The following RNF43 variants were observed in gnomAD, a reference collection of about 807,000 sequenced individuals.
RNF43 encodes ring finger protein 43, also known as E3 ubiquitin-protein ligase RNF43.
Under a neutral mutation model 78.4 loss-of-function variants are expected in RNF43, and 37 were observed. That is an observed-to-expected ratio of 0.47 (90% CI 0.36 to 0.62). The LOEUF (loss-of-function observed/expected upper bound fraction) is 0.62. Among genes scored for constraint, RNF43 ranks in the 20% least tolerant of loss-of-function variants. The probability of loss-of-function intolerance (pLI) is 0.00; values close to 1 mark genes in which losing one functional copy is unlikely to be tolerated. For synonymous variants in RNF43, 347 were observed against 395.0 expected, an observed-to-expected ratio of 0.88 and a Z score of 1.44; for missense variants, 774 against 1,007.9, an observed-to-expected ratio of 0.77 and a Z score of 3.14.
chr17:58,372,388 G>T (rs1245013524), intron 2 of RNF43, among the ~76,000 whole-genome samples: 1 of 152,212 alleles, frequency 6.6e-6, no homozygotes, highest in East Asian at 1.9e-4. Context: ...TAGTCTGGTA[G>T]TGAGCAAGGT....
chr17:58,415,634 C>CA lies in RNF43; in HGVS notation c.-58dup. ...ACATACTGCTTCCACTAGCTAATAC[C>CA]AAATGCAGGTTCTCAGATCCAGACA... On this transcript the variant is annotated 5_prime_UTR_variant, in exon 2 of 10. The change abolishes the stop of an existing upstream ORF in the 5' untranslated region. Transcript: ENST00000407977. 22 of 1,571,784 alleles carry CA rather than the reference C, an allele frequency of 1.4e-5. No homozygotes were observed. The highest frequency in any genetic ancestry group is 1.8e-5 in the Non-Finnish European group (21 of 1,159,604).
In RNF43 at chr17:58,415,329, C is replaced by A. The variant is rs759980285; in HGVS notation, c.249G>T (p.Met83Ile). Residue 83 changes from methionine to isoleucine, a missense_variant, in exon 2 of 10, where the codon ATG becomes ATT. Coordinates refer to ENST00000407977, the MANE Select transcript of RNF43 (RefSeq NM_017763.6). Reference protein sequence around the residue: ...AEITPAEGKLMQSHPLYLCNA... With the variant: ...AEITPAEGKLIQSHPLYLCNA... ...AATATAATAAAGTTATACTTGCCTG[C>A]ATTAATTTTCCTTCTGCTGGAGTTA... 6.2e-7 allele frequency: 1 copy of A among 1,614,172 alleles called. No individual in the cohort carries two copies. Among genetic ancestry groups the A allele is most frequent in the South Asian group, 1.1e-5 (1 of 91,078 alleles).
Position 58,412,474 on chromosome 17 carries a change from C to A in RNF43, c.252+2852G>T, listed in dbSNP as rs138771572. On this transcript the variant is annotated intron_variant, in intron 2 of 9. Transcript: ENST00000407977. ...ACATACCTTGTAAAATGAATCATTACTATTGGCAAGGAGAAACCTAAGCAC... is the reference window on the plus strand; with the variant it reads ...ACATACCTTGTAAAATGAATCATTAATATTGGCAAGGAGAAACCTAAGCAC... 1.8e-4 allele frequency among the ~76,000 whole-genome samples: 28 copies of A among 152,200 alleles called. 1 individual carries two copies. The highest frequency in any genetic ancestry group is 5.8e-4 in the African/African-American group (24 of 41,522).
intron 9 of RNF43, 47 bp from the exon 10 acceptor site, chr17:58,355,033 A>G (rs762888102): frequency 8.4e-6 from 13 of 1,543,046 alleles, no homozygotes; most frequent in African/African-American, 1.4e-5. Flanking sequence ...GGGTCAGGCC[A>G]GGGACCTGCT....
chr17:58,369,182 T>G (rs190396246), intron 3 of RNF43, among the ~76,000 whole-genome samples: 57 of 152,268 alleles, frequency 3.7e-4, no homozygotes, highest in Non-Finnish European at 7.5e-4. Flanking sequence ...TGCCCATATT[T>G]TGTAAGGAAA....
At chr17:58,411,237 A>G (rs1974019131) in intron 2 of RNF43, among the ~76,000 whole-genome samples, 1 of 152,112 alleles carries the variant, frequency 6.6e-6, no homozygotes, top group South Asian at 2.1e-4. Context: ...AGAAAGGTAA[A>G]CACTATTTTG....
At chr17:58,385,336 T>G (rs1973409208) in intron 2 of RNF43, among the ~76,000 whole-genome samples, 1 of 152,194 alleles carries the variant, frequency 6.6e-6, no homozygotes, top group Admixed American at 6.5e-5. Flanking sequence ...ATCTCAAACT[T>G]AAATATACCA....
intron 2 of RNF43, among the ~76,000 whole-genome samples, chr17:58,401,504 G>A (rs2143644166): frequency 6.6e-6 from 1 of 152,324 alleles, no homozygotes; most frequent in East Asian, 1.9e-4. Context: ...GCCAGGACAG[G>A]TGGTATGGTA....
At position 58,415,672 on chromosome 17, in the gene RNF43, G is replaced by T; in HGVS notation, c.-95C>A. 1 of 1,397,218 alleles carries T rather than the reference G, an allele frequency of 7.2e-7. No homozygotes were observed. Among genetic ancestry groups the T allele is most frequent in the South Asian group, 1.3e-5 (1 of 78,686 alleles). The allele number at this position is 1,397,218 out of a possible 1,614,324, so 86.6% of individuals were successfully genotyped here. A position where few individuals can be genotyped will look rare whatever the true frequency, so the allele number is the denominator to read the frequency against. ...TCAGATCCAGACAAATGGAGGAAAA[G>T]AACATTTATGCTTCCGTTTCAGAAA... On this transcript the variant is annotated 5_prime_UTR_variant, in exon 2 of 10. Coordinates refer to ENST00000407977, the MANE Select transcript of RNF43 (RefSeq NM_017763.6).
chr17:58,367,146 G>A (rs1284285695), intron 3 of RNF43, among the ~76,000 whole-genome samples: 1 of 152,008 alleles, frequency 6.6e-6, no homozygotes, highest in Non-Finnish European at 1.5e-5. Context: ...GACTACAGGT[G>A]CGTGCCACCA....
chr17:58,407,674 A>G (rs1973941690), intron 2 of RNF43, among the ~76,000 whole-genome samples: 1 of 152,220 alleles, frequency 6.6e-6, no homozygotes, highest in South Asian at 2.1e-4. Context: ...AAAAATATAT[A>G]AAGTTTTCCA....
intron 2 of RNF43, among the ~76,000 whole-genome samples, chr17:58,380,628 C>T (rs1020470779): frequency 6.6e-6 from 1 of 152,216 alleles, no homozygotes; most frequent in Admixed American, 6.5e-5. Context: ...TAAAGCCAGA[C>T]AGTCCCTGTG....
intron 2 of RNF43, 46 bp from the exon 3 acceptor site, chr17:58,371,079 G>A (rs2143517330): frequency 6.6e-7 from 1 of 1,514,966 alleles, no homozygotes; most frequent in Non-Finnish European, 8.9e-7. Flanking sequence ...TAGGCAGCAG[G>A]AGTGAGCTGT....
intron 2 of RNF43, among the ~76,000 whole-genome samples, chr17:58,403,711 TC>T (rs1336007925): frequency 6.6e-6 from 1 of 152,290 alleles, no homozygotes; most frequent in African/African-American, 2.4e-5. Context: ...TTTCCACTCT[TC>T]CCAGTTGCCT....
intron 2 of RNF43, among the ~76,000 whole-genome samples, chr17:58,406,754 A>G (rs1443236519): frequency 1.0e-4 from 15 of 150,680 alleles, no homozygotes; most frequent in Admixed American, 8.6e-4. Context: ...GGAAATCTAT[A>G]CTTTTTTTTT....
intron 2 of RNF43, among the ~76,000 whole-genome samples, chr17:58,397,467 C>T (rs1440586761): frequency 6.6e-6 from 1 of 151,982 alleles, no homozygotes; most frequent in East Asian, 1.9e-4. Context: ...TCCAGACCAG[C>T]CAGGCCAACA....
intron 3 of RNF43, among the ~76,000 whole-genome samples, chr17:58,365,289 G>T (rs1460708804): frequency 1.3e-5 from 2 of 152,158 alleles, no homozygotes; most frequent in Non-Finnish European, 2.9e-5. Flanking sequence ...CTATTCCAGG[G>T]ATTTGGCCAA....
Position 58,415,385 on chromosome 17 carries a change from A to C in RNF43, c.193T>G (p.Leu65Val). 1 of 1,614,228 alleles carries C rather than the reference A, an allele frequency of 6.2e-7. No individual in the cohort carries two copies. Among genetic ancestry groups the C allele is most frequent in the Non-Finnish European group, 8.5e-7 (1 of 1,180,022 alleles). Residue 65 changes from leucine to valine, a missense_variant, in exon 2 of 10, where the codon TTG becomes GTG. Coordinates refer to ENST00000407977, the MANE Select transcript of RNF43 (RefSeq NM_017763.6). ...MDPTGKLNLT[L>V]EGVFAGVAEI... Reference sequence around the variant, plus strand: ...GCAACACCAGCAAACACACCTTCCAAAGTGAGATTCAGTTTTCCTGTGGGG... The same window carrying C: ...GCAACACCAGCAAACACACCTTCCACAGTGAGATTCAGTTTTCCTGTGGGG...
rs13414 is a variant in RNF43 at position 58,354,092 on chromosome 17, A to G, written c.*851T>C. The G allele has an allele frequency of 0.17, 33,447 of 196,514 alleles. 2,953 individuals carry two copies. Among genetic ancestry groups the G allele is most frequent in the East Asian group, 0.25 (3,156 of 12,482 alleles). 12.2% of individuals were successfully genotyped at this position (196,514 alleles called of 1,614,324 possible). On this transcript the variant is annotated 3_prime_UTR_variant, in exon 10 of 10. Transcript: ENST00000407977. ...TGTCCCCATTTTCCATCCTTGCTCT[A>G]AGACAAAACTTTTCCCAGAGAAGAA...
Sources: gnomAD v4.1 joint callset for allele counts (sites outside exome capture counted in the v4.1 genomes callset) on GRCh38, gnomAD v4.1.1 for gene constraint, MANE v1.5 for transcripts, NCBI Gene and HGNC (gene_info 2026-07-23, HGNC 2026-07-21) for gene names.